The following IQCM variants were observed in gnomAD, a reference collection of about 807,000 sequenced individuals.
IQCM encodes IQ domain-containing protein M.
In IQCM, 45 loss-of-function variants were observed where a neutral mutation model predicts 57.6. The observed-to-expected ratio is 0.78, with a 90% CI of 0.62 to 1.00. The LOEUF (loss-of-function observed/expected upper bound fraction) is 1.00. IQCM is among the 50% of genes least tolerant of loss of function. IQCM has a pLI of 0.00. For synonymous variants in IQCM, 148 were observed against 158.9 expected (o/e 0.93, Z 0.51); for missense variants, 468 against 511.6 (o/e 0.91, Z 0.82).
At chr4:149,666,591 C>T (rs573185989) in intron 7 of IQCM, among the ~76,000 whole-genome samples, 77 of 152,168 alleles carry the variant, frequency 5.1e-4, no homozygotes, top group African/African-American at 1.8e-3. Context: ...GTTTACTCCC[C>T]TGGAAAGGGG....
At chr4:149,549,890 A>C (rs1163689546) in intron 11 of IQCM, among the ~76,000 whole-genome samples, 1 of 152,248 alleles carries the variant, frequency 6.6e-6, no homozygotes, top group African/African-American at 2.4e-5. Context: ...GTGATTGTCT[A>C]AATATGAATA....
chr4:149,595,672 A>C (rs1035017260), intron 8 of IQCM, among the ~76,000 whole-genome samples: 9 of 152,290 alleles, frequency 5.9e-5, no homozygotes, highest in Non-Finnish European at 8.8e-5. Flanking sequence ...ACTTGCACAC[A>C]TGCAGAATCA....
chr4:149,502,329 C>T (rs1232643037), intron 12 of IQCM, among the ~76,000 whole-genome samples: 3 of 151,992 alleles, frequency 2.0e-5, no homozygotes, highest in South Asian at 4.1e-4. Flanking sequence ...AAATAAAACA[C>T]ACTGAGAGGA....
intron 5 of IQCM, among the ~76,000 whole-genome samples, chr4:149,716,187 T>G (rs1257486462): frequency 6.6e-6 from 1 of 152,126 alleles, no homozygotes; most frequent in Non-Finnish European, 1.5e-5. Flanking sequence ...AAGGGGTACC[T>G]CCAGTCCCAC....
chr4:149,481,162 T>C (rs901107574), intron 12 of IQCM, among the ~76,000 whole-genome samples: 12 of 152,152 alleles, frequency 7.9e-5, no homozygotes, highest in African/African-American at 2.9e-4. Context: ...ATTAATCCCT[T>C]GTCAGGTGGA....
chr4:149,563,287 A>T (rs530991607), intron 10 of IQCM, among the ~76,000 whole-genome samples: 4 of 152,316 alleles, frequency 2.6e-5, no homozygotes, highest in Admixed American at 2.6e-4. Context: ...GTTATTTCAA[A>T]ATATCCTTGT....
At chr4:149,515,949 G>C (rs1744915141) in intron 12 of IQCM, among the ~76,000 whole-genome samples, 2 of 152,136 alleles carry the variant, frequency 1.3e-5, no homozygotes, top group South Asian at 4.1e-4. Context: ...TAATCAAGTG[G>C]TTAGGTTGAC....
intron 13 of IQCM, among the ~76,000 whole-genome samples, chr4:149,375,978 T>C (rs2111005949): frequency 6.6e-6 from 1 of 152,242 alleles, no homozygotes; most frequent in Admixed American, 6.5e-5. Context: ...ACCACCTAAA[T>C]TGTACAATTA....
At chr4:149,606,683 G>C (rs903521462) in intron 8 of IQCM, among the ~76,000 whole-genome samples, 5 of 152,066 alleles carry the variant, frequency 3.3e-5, no homozygotes, top group Admixed American at 6.6e-5. Context: ...AAGGAATTTA[G>C]AATTCTATCA....
chr4:149,566,201 G>T (rs761194169), intron 9 of IQCM, among the ~76,000 whole-genome samples: 3 of 152,116 alleles, frequency 2.0e-5, no homozygotes, highest in Non-Finnish European at 4.4e-5. Context: ...CTTGTCCGTA[G>T]CATCAAGATC....
At chr4:149,468,611 G>A (rs1333525734) in intron 12 of IQCM, among the ~76,000 whole-genome samples, 1 of 152,128 alleles carries the variant, frequency 6.6e-6, no homozygotes, top group Admixed American at 6.5e-5. Context: ...CTGTCTGACA[G>A]CTTTGAAGAG....
In IQCM at chr4:149,726,639, T is replaced by A. The variant is rs57246754; in HGVS notation, c.385+6605A>T. Reference sequence around the variant, plus strand: ...ATATCTATACCTGTGTTGTCCAATATGATAGCCAATTACCATATGTAGCTA... The same window carrying A: ...ATATCTATACCTGTGTTGTCCAATAAGATAGCCAATTACCATATGTAGCTA... On this transcript the variant is annotated intron_variant, in intron 5 of 13. Transcript: ENST00000636793. Among the ~76,000 whole-genome samples, 698 of 152,280 alleles carry A rather than the reference T, an allele frequency of 4.6e-3. 7 individuals carry two copies. Among genetic ancestry groups the A allele is most frequent in the African/African-American group, 0.016 (655 of 41,558 alleles).
chr4:149,425,681 C>T (rs1462870238), intron 13 of IQCM, among the ~76,000 whole-genome samples: 1 of 151,954 alleles, frequency 6.6e-6, no homozygotes, highest in Non-Finnish European at 1.5e-5. Flanking sequence ...AAATGCTAAA[C>T]TGGTCCAGAA....
intron 12 of IQCM, among the ~76,000 whole-genome samples, chr4:149,437,618 G>A (rs554884524): frequency 6.6e-6 from 1 of 151,970 alleles, no homozygotes; most frequent in Non-Finnish European, 1.5e-5. Flanking sequence ...AGAGCTTGGT[G>A]CCTCCCTCCT....
At chr4:149,764,332 A>G (rs1055511633) in intron 2 of IQCM, among the ~76,000 whole-genome samples, 1 of 152,192 alleles carries the variant, frequency 6.6e-6, no homozygotes, top group Non-Finnish European at 1.5e-5. Flanking sequence ...CAATCACTGC[A>G]TAAGAGAAGA....
At chr4:149,603,709 A>G (rs1467176276) in intron 8 of IQCM, among the ~76,000 whole-genome samples, 1 of 152,102 alleles carries the variant, frequency 6.6e-6, no homozygotes, top group Non-Finnish European at 1.5e-5. Flanking sequence ...ATTTCAGAGA[A>G]GAGGAATAGT....
At chr4:149,713,443 T>C (rs1764730118) in intron 5 of IQCM, among the ~76,000 whole-genome samples, 1 of 152,212 alleles carries the variant, frequency 6.6e-6, no homozygotes, top group Non-Finnish European at 1.5e-5. Flanking sequence ...ATTAATGTGA[T>C]GGGAGAAAAC....
chr4:149,745,916 G>A (rs1350101194), intron 2 of IQCM, among the ~76,000 whole-genome samples: 1 of 151,986 alleles, frequency 6.6e-6, no homozygotes, highest in East Asian at 1.9e-4. Context: ...AGGCTGCAGT[G>A]AGCCGTGATC....
chr4:149,386,782 A>C (rs1310923047), intron 13 of IQCM, among the ~76,000 whole-genome samples: 1 of 151,874 alleles, frequency 6.6e-6, no homozygotes, highest in Admixed American at 6.6e-5. Context: ...GTTCTATAGA[A>C]TGTCCTATAT....
Sources: allele counts gnomAD v4.1 joint callset (sites outside exome capture counted in the v4.1 genomes callset), GRCh38; gene constraint gnomAD v4.1.1; transcripts MANE v1.5; gene names NCBI Gene and HGNC (gene_info 2026-07-23, HGNC 2026-07-21).